Variants in GON4L observed in about 807,000 individuals in gnomAD.
GON4L encodes gon-4 like, also known as GON-4-like protein.
Under a neutral mutation model 211.8 loss-of-function variants are expected in GON4L, and 87 were observed. The observed-to-expected ratio is 0.41, with a 90% CI of 0.35 to 0.49. The LOEUF is 0.49. Among genes scored for constraint, GON4L ranks in the 20% least tolerant of loss-of-function variants. The probability of loss-of-function intolerance (pLI) is 0.15; values close to 1 mark genes in which losing one functional copy is unlikely to be tolerated. For synonymous variants in GON4L, 875 were observed against 962.6 expected, an observed-to-expected ratio of 0.91 and a Z score of 1.68; for missense variants, 2,155 against 2,659.5, an observed-to-expected ratio of 0.81 and a Z score of 4.17.
intron 10 of GON4L, among the ~76,000 whole-genome samples, chr1:155,809,364 C>T (rs182534138): frequency 1.4e-3 from 212 of 151,978 alleles, no homozygotes; most frequent in Non-Finnish European, 2.4e-3. Flanking sequence ...TTTTTTCTGT[C>T]TTCTACACTG....
At chr1:155,813,254 G>C (rs983843551) in intron 10 of GON4L, among the ~76,000 whole-genome samples, 20 of 151,702 alleles carry the variant, frequency 1.3e-4, no homozygotes, top group African/African-American at 4.8e-4. Context: ...CAAAAATATA[G>C]GGAGACCTCA....
chr1:155,777,528 G>A (rs189876960), intron 15 of GON4L, 94 bp downstream of exon 15: 355 of 922,294 alleles, frequency 3.8e-4, no homozygotes, highest in African/African-American at 3.1e-3. Context: ...GAAGTGAGCC[G>A]ATATCGGGCC....
intron 6 of GON4L, among the ~76,000 whole-genome samples, chr1:155,816,765 T>TC (rs1381025168): frequency 3.5e-5 from 4 of 115,268 alleles, no homozygotes; most frequent in African/African-American, 1.2e-4. Flanking sequence ...ATGGGCTTTT[T>TC]TTTTTCTTAA....
In GON4L at chr1:155,765,684, C is replaced by G. The variant is rs675918; in HGVS notation, c.3789G>C (p.Pro1263=). The G allele has an allele frequency of 1.6e-4, 255 of 1,614,032 alleles. No homozygotes were observed. The highest frequency in any genetic ancestry group is 2.8e-4 in the Admixed American group (17 of 59,994). Residue 1263 remains proline (P), a synonymous_variant, in exon 21 of 32, where the codon CCG becomes CCC. Transcript: ENST00000368331. ...GAGGCCCTGGGCTATGTTCCACTTTCGGGAAAACAGTAGCAGAGAGAGGAG... is the reference window on the plus strand; with the variant it reads ...GAGGCCCTGGGCTATGTTCCACTTTGGGGAAAACAGTAGCAGAGAGAGGAG... ...ELSPLSATVF[P]KVEHSPGPPL...
At chr1:155,753,183 C>A (rs1438404872) in intron 29 of GON4L, 21 bp downstream of exon 29, 1 of 1,557,948 alleles carries the variant, frequency 6.4e-7, no homozygotes, top group Non-Finnish European at 8.8e-7. Flanking sequence ...AACAGAAGGG[C>A]TGCGTTGGCA....
At chr1:155,791,900 AACATAACATAACATAACATAACATC>A (rs1256059761) in intron 12 of GON4L, among the ~76,000 whole-genome samples, 9 of 118,362 alleles carry the variant, frequency 7.6e-5, no homozygotes, top group African/African-American at 3.2e-4. Context: ...AACATAACAT[AACATAACATAACATAACATAACATC>A]ACATAACATA....
intron 19 of GON4L, 139 bp downstream of exon 19, chr1:155,770,928 T>G: frequency 8.3e-7 from 1 of 1,201,546 alleles, no homozygotes; most frequent in Non-Finnish European, 1.2e-6. Context: ...CAAAAGGCAA[T>G]AGGGGAATTA....
At chr1:155,760,943 G>A (rs1156428637) in intron 23 of GON4L, among the ~76,000 whole-genome samples, 2 of 152,134 alleles carry the variant, frequency 1.3e-5, no homozygotes, top group Non-Finnish European at 2.9e-5. Context: ...ACTGATTACA[G>A]CCCCATAATG....
chr1:155,748,323 T>C (rs1055677226), downstream of GON4L: 6 of 1,443,324 alleles, frequency 4.2e-6, no homozygotes, highest in Non-Finnish European at 5.8e-6. Flanking sequence ...CCTGGGTCTC[T>C]CTGGTGTTAA....
At chr1:155,845,607 G>GA (rs1309308864) in intron 2 of GON4L, 16 of 320,398 alleles carry the variant, frequency 5.0e-5, no homozygotes, top group Non-Finnish European at 3.8e-5. Flanking sequence ...AACACATACA[G>GA]AATGTTTAAG....
rs1435811808 is a variant in GON4L, at chr1:155,750,040, T to G, written c.*544A>C. On this transcript the variant is annotated 3_prime_UTR_variant, in exon 32 of 32. Transcript: ENST00000368331. ...GACTTGCGGCGCTGGGCCAGCTTCA[T>G]GGATGCTGGAGTGGAGCACGATGAC... 24 of 1,202,550 alleles carry G rather than the reference T, an allele frequency of 2.0e-5. No individual in the cohort carries two copies. The highest frequency in any genetic ancestry group is 2.8e-5 in the Non-Finnish European group (24 of 847,464). 74.5% of individuals were successfully genotyped at this position (1,202,550 alleles called of 1,614,324 possible). A position where few individuals can be genotyped will look rare whatever the true frequency, so the allele number is the denominator to read the frequency against.
chr1:155,846,539 G>C (rs989206121), intron 2 of GON4L: 3 of 147,276 alleles, frequency 2.0e-5, no homozygotes, highest in Non-Finnish European at 4.5e-5. Flanking sequence ...AAAAAAAAAA[G>C]ATAGGAAAAA....
At chr1:155,840,526 T>A (rs1670675717) in intron 2 of GON4L, among the ~76,000 whole-genome samples, 1 of 152,208 alleles carries the variant, frequency 6.6e-6, no homozygotes, top group Non-Finnish European at 1.5e-5. Flanking sequence ...TACAGCCTCC[T>A]GACAGGTTGT....
intron 2 of GON4L, 34 bp downstream of exon 2, chr1:155,853,242 C>A: frequency 6.3e-7 from 1 of 1,577,818 alleles, no homozygotes; most frequent in South Asian, 1.1e-5. Flanking sequence ...GTGGTATTGA[C>A]AAGAATGTAA....
intron 12 of GON4L, among the ~76,000 whole-genome samples, chr1:155,787,920 A>G (rs2485470): frequency 0.94 from 142,440 of 152,186 alleles, 67,428 homozygotes; most frequent in East Asian, 1. Flanking sequence ...CTCCAGCCTG[A>G]GAGACAGAGT....
chr1:155,754,365 C>T lies in GON4L; in HGVS notation c.5631+10G>A. The T allele has an allele frequency of 1.3e-6, 2 of 1,547,624 alleles. No homozygotes were observed. The highest frequency in any genetic ancestry group is 1.1e-5 in the South Asian group (1 of 89,820). ...TCTGATACCCTCGGGACCCTTGATA[C>T]TTTCCTCACCTTGCTGCTACAGTGG... is the stretch of plus-strand genomic sequence containing the variant. On this transcript the variant is annotated intron_variant, in intron 28 of 31. Transcript: ENST00000368331.
chr1:155,750,295 T>C lies in GON4L; in HGVS notation c.*289A>G. 3.4e-6 allele frequency: 2 copies of C among 590,926 alleles called. No homozygotes were observed. The highest frequency in any genetic ancestry group is 6.0e-6 in the Non-Finnish European group (2 of 331,074). 36.6% of individuals were successfully genotyped at this position (590,926 alleles called of 1,614,324 possible). A position where few individuals can be genotyped will look rare whatever the true frequency, so the allele number is the denominator to read the frequency against. ...ACACTGTGATTAGACCACAGAACAA[T>C]AAATATGTGCCATCAGACCAAAAAA... On this transcript the variant is annotated 3_prime_UTR_variant, in exon 32 of 32. Coordinates refer to ENST00000368331, the MANE Select transcript of GON4L (RefSeq NM_001282860.2).
intron 1 of GON4L, among the ~76,000 whole-genome samples, chr1:155,855,754 G>A (rs572229349): frequency 1.2e-4 from 19 of 152,196 alleles, no homozygotes; most frequent in Non-Finnish European, 2.2e-4. Context: ...AGGCCAAGGC[G>A]GGCGGATAAC....
At chr1:155,852,162 C>CAAAA (rs150456648) in intron 2 of GON4L, among the ~76,000 whole-genome samples, 5 of 77,868 alleles carry the variant, frequency 6.4e-5, no homozygotes, top group African/African-American at 1.4e-4. Flanking sequence ...GAGACTGTCA[C>CAAAA]AAAAAAAAAA....
Sources: allele counts gnomAD v4.1 joint callset (sites outside exome capture counted in the v4.1 genomes callset), GRCh38; gene constraint gnomAD v4.1.1; transcripts MANE v1.5; gene names NCBI Gene and HGNC (gene_info 2026-07-23, HGNC 2026-07-21).